Variants in LOC400499 observed in about 807,000 individuals in gnomAD.
At chr16:11,400,692 C>T in the LOC400499 span, among the ~76,000 whole-genome samples, 43 of 152,160 alleles carry the variant, frequency 2.8e-4, no homozygotes, top group Non-Finnish European at 1.6e-4. Context: ...CCACTGGCCT[C>T]GGCCTCCCTC....
At chr16:11,454,959 A>T in the LOC400499 span, among the ~76,000 whole-genome samples, 1 of 152,248 alleles carries the variant, frequency 6.6e-6, no homozygotes, top group Non-Finnish European at 1.5e-5. Flanking sequence ...CTCAGGCTCC[A>T]GGAAGAGGGT....
chr16:11,463,842 T>C, the LOC400499 span, among the ~76,000 whole-genome samples: 2 of 152,230 alleles, frequency 1.3e-5, no homozygotes, highest in South Asian at 4.1e-4. Context: ...TTTATGGACA[T>C]GTATGTGTGT....
the LOC400499 span, among the ~76,000 whole-genome samples, chr16:11,443,615 C>T: frequency 0.33 from 50,408 of 151,622 alleles, 10,693 homozygotes; most frequent in Non-Finnish European, 0.47. Flanking sequence ...GGAAGAAGAC[C>T]CGGATGGGGT....
the LOC400499 span, chr16:11,390,216 G>A: frequency 8.1e-7 from 1 of 1,232,480 alleles, no homozygotes; most frequent in Non-Finnish European, 1.0e-6. Context: ...GAGAGGGAGG[G>A]GACAGTGAGA....
At chr16:11,422,934 G>A in the LOC400499 span, among the ~76,000 whole-genome samples, 1 of 152,188 alleles carries the variant, frequency 6.6e-6, no homozygotes, top group Non-Finnish European at 1.5e-5. Flanking sequence ...GTTTACCTGT[G>A]TTTGCAGATG....
chr16:11,469,836 T>G, the LOC400499 span, among the ~76,000 whole-genome samples: 1 of 152,160 alleles, frequency 6.6e-6, no homozygotes, highest in African/African-American at 2.4e-5. Flanking sequence ...GGGTCGCAAT[T>G]TATTCAGCAA....
At chr16:11,493,202 T>C in the LOC400499 span, among the ~76,000 whole-genome samples, 679 of 152,268 alleles carry the variant, frequency 4.5e-3, 9 homozygotes, top group African/African-American at 0.016. Flanking sequence ...TAGCAAACTT[T>C]TTCTGTAAAG....
chr16:11,484,465 G>C, the LOC400499 span, among the ~76,000 whole-genome samples: 2 of 152,096 alleles, frequency 1.3e-5, no homozygotes, highest in Admixed American at 1.3e-4. Flanking sequence ...GTGTCAATTA[G>C]ACCTCAATAA....
At chr16:11,396,268 G>T in the LOC400499 span, 2 of 360,058 alleles carry the variant, frequency 5.6e-6, no homozygotes, top group Non-Finnish European at 9.8e-6. Context: ...AGGAAGGGCC[G>T]GGTGTTGGGA....
chr16:11,424,202 G>C, the LOC400499 span: 11 of 399,384 alleles, frequency 2.8e-5, no homozygotes, highest in East Asian at 2.8e-4. Flanking sequence ...CATGGAGCTG[G>C]AGGCCCGAGG....
the LOC400499 span, among the ~76,000 whole-genome samples, chr16:11,502,617 CT>C: frequency 1.5e-3 from 214 of 143,064 alleles, no homozygotes; most frequent in East Asian, 1.4e-3. Flanking sequence ...TATACATACT[CT>C]TTTTTTTTTT....
At chr16:11,477,785 C>T in the LOC400499 span, 9 of 398,522 alleles carry the variant, frequency 2.3e-5, no homozygotes, top group African/African-American at 1.9e-4. Flanking sequence ...TGGGATCCCA[C>T]CACCTAACCT....
the LOC400499 span, among the ~76,000 whole-genome samples, chr16:11,376,738 G>T: frequency 3.9e-5 from 6 of 152,094 alleles, no homozygotes; most frequent in Non-Finnish European, 7.4e-5. Flanking sequence ...AAATGCCACT[G>T]GGATTTTGAT....
chr16:11,475,192 T>G, the LOC400499 span, among the ~76,000 whole-genome samples: 1 of 152,086 alleles, frequency 6.6e-6, no homozygotes, highest in Non-Finnish European at 1.5e-5. Flanking sequence ...GGGAGAGCAT[T>G]AGGACAAATA....
chr16:11,477,267 G>C, the LOC400499 span, among the ~76,000 whole-genome samples: 1 of 152,242 alleles, frequency 6.6e-6, no homozygotes, highest in South Asian at 2.1e-4. Context: ...AGAGCACCCA[G>C]CCTAGGGCAT....
At chr16:11,388,524 C>G in the LOC400499 span, among the ~76,000 whole-genome samples, 1 of 152,128 alleles carries the variant, frequency 6.6e-6, no homozygotes, top group Non-Finnish European at 1.5e-5. Flanking sequence ...GCTTGGAGCC[C>G]GGTTCCTGGT....
At chr16:11,411,349 G>A in the LOC400499 span, 1 of 399,120 alleles carries the variant, frequency 2.5e-6, no homozygotes, top group African/African-American at 2.1e-5. Flanking sequence ...GAAAGAGAAG[G>A]CCTGAAGCTG....
the LOC400499 span, chr16:11,383,556 T>C: frequency 1.7e-6 from 2 of 1,201,978 alleles, no homozygotes; most frequent in Non-Finnish European, 2.1e-6. Context: ...TTGTCCTCCC[T>C]GGTGAGAGAA....
chr16:11,491,278 G>A, the LOC400499 span, among the ~76,000 whole-genome samples: 33 of 152,200 alleles, frequency 2.2e-4, no homozygotes, highest in Non-Finnish European at 3.2e-4. Context: ...ACATCTTTGC[G>A]TTCAGGTGCC....
Sources: allele counts gnomAD v4.1 joint callset (sites outside exome capture counted in the v4.1 genomes callset), GRCh38; gene constraint gnomAD v4.1.1; transcripts MANE v1.5.